Variants in PARM1 observed in about 807,000 individuals in gnomAD.
PARM1 encodes the protein WSC4, cell wall integrity and stress response component 4 homolog.
In PARM1, 14 loss-of-function variants were observed where a neutral mutation model predicts 24.6. The observed-to-expected ratio is 0.57, with a 90% CI of 0.38 to 0.89. The LOEUF (loss-of-function observed/expected upper bound fraction) is 0.89, where lower values mean the gene tolerates loss of function less well. Ranked by LOEUF, PARM1 falls within the 40% of genes least tolerant of loss-of-function variation. The pLI is 0.00. For synonymous variants in PARM1, 179 were observed against 156.6 expected, an observed-to-expected ratio of 1.14 and a Z score of -1.07; for missense variants, 362 against 380.4, an observed-to-expected ratio of 0.95 and a Z score of 0.40.
chr4:74,934,195 T>G (rs1344655822), intron 1 of PARM1, among the ~76,000 whole-genome samples: 1 of 152,016 alleles, frequency 6.6e-6, no homozygotes, highest in African/African-American at 2.4e-5. Flanking sequence ...GGGGAGAGAT[T>G]CAGAAAGACG....
chr4:74,941,989 A>G (rs1721319104), intron 1 of PARM1, among the ~76,000 whole-genome samples: 1 of 152,240 alleles, frequency 6.6e-6, no homozygotes, highest in African/African-American at 2.4e-5. Context: ...GAGGCTTTAG[A>G]GTAAGATAGA....
At position 75,023,248 on chromosome 4, in the gene PARM1, G is replaced by A. The variant is rs557855699; in HGVS notation, c.769+10098G>A. On this transcript the variant is annotated intron_variant, in intron 2 of 3. Coordinates refer to ENST00000307428, the MANE Select transcript of PARM1 (RefSeq NM_015393.4). ...AGACTGCCTGGTTCAAATCTCACCA[G>A]TGCTATTTGCTAAATGGGAGAATTG... Among the ~76,000 whole-genome samples, 4 of 152,320 alleles carry A rather than the reference G, an allele frequency of 2.6e-5. No homozygotes were observed. In the South Asian group the frequency reaches 8.3e-4, roughly 32 times the overall value.
rs561208129 is a variant in PARM1 at position 75,049,660 on chromosome 4, G to A, written c.*3413G>A. ...GATGGATACCTGAGCACTAACAGCA[G>A]TAGACGTAGACCTCTGTCCTTTACC... On this transcript the variant is annotated 3_prime_UTR_variant, in exon 4 of 4. Transcript: ENST00000307428. 1 of 152,776 alleles carries A rather than the reference G, an allele frequency of 6.5e-6. No homozygotes were observed. The highest frequency in any genetic ancestry group is 2.1e-4 in the South Asian group (1 of 4,832). 9.5% of individuals were successfully genotyped at this position (152,776 alleles called of 1,614,324 possible). A position where few individuals can be genotyped will look rare whatever the true frequency, so the allele number is the denominator to read the frequency against.
At chr4:75,027,563 C>T (rs1448457887) in intron 2 of PARM1, among the ~76,000 whole-genome samples, 1 of 152,184 alleles carries the variant, frequency 6.6e-6, no homozygotes, top group African/African-American at 2.4e-5. Context: ...CCCACTCCCA[C>T]TACCACCCCA....
chr4:75,044,218 G>T (rs1344001853), intron 3 of PARM1, among the ~76,000 whole-genome samples: 1 of 152,102 alleles, frequency 6.6e-6, no homozygotes, highest in Non-Finnish European at 1.5e-5. Flanking sequence ...AAAAATTAGT[G>T]GGAGTGGTCA....
At chr4:74,978,029 C>A (rs1001524762) in intron 1 of PARM1, among the ~76,000 whole-genome samples, 1 of 152,172 alleles carries the variant, frequency 6.6e-6, no homozygotes, top group Non-Finnish European at 1.5e-5. Context: ...GGTATGCAGA[C>A]CAATGACAAT....
intron 1 of PARM1, among the ~76,000 whole-genome samples, chr4:75,006,531 C>T (rs531950268): frequency 6.6e-6 from 1 of 152,096 alleles, no homozygotes; most frequent in Non-Finnish European, 1.5e-5. Flanking sequence ...TTTTCTTAAT[C>T]CAGTCTATCA....
chr4:74,994,189 A>G (rs1722530333), intron 1 of PARM1: 2 of 152,184 alleles, frequency 1.3e-5, no homozygotes. Flanking sequence ...TTGCAAGGGT[A>G]ATTTTTTCCT....
At chr4:74,968,547 G>A (rs756703642) in intron 1 of PARM1, among the ~76,000 whole-genome samples, 6 of 152,200 alleles carry the variant, frequency 3.9e-5, no homozygotes, top group Non-Finnish European at 7.3e-5. Flanking sequence ...AGAAGAAAGA[G>A]GAAGGGAAAA....
At chr4:74,998,084 C>T (rs1228824479) in intron 1 of PARM1, among the ~76,000 whole-genome samples, 1 of 152,128 alleles carries the variant, frequency 6.6e-6, no homozygotes, top group African/African-American at 2.4e-5. Flanking sequence ...CACAGATTTT[C>T]ATCAGAATAT....
chr4:75,029,063 T>C (rs1723230954), intron 2 of PARM1, among the ~76,000 whole-genome samples: 1 of 152,084 alleles, frequency 6.6e-6, no homozygotes, highest in Non-Finnish European at 1.5e-5. Flanking sequence ...CTTCTGAGTG[T>C]GTGATCAAGA....
chr4:74,936,461 G>GTTTTGT lies in PARM1; in HGVS notation c.43+3095_43+3096insGTTTTT, dbSNP rs1553967315. 3.6e-3 allele frequency among the ~76,000 whole-genome samples: 411 copies of GTTTTGT among 114,424 alleles called. 2 individuals carry two copies. Among genetic ancestry groups the GTTTTGT allele is most frequent in the African/African-American group, 9.6e-3 (328 of 34,266 alleles). 75.1% of individuals were successfully genotyped at this position (114,424 alleles called of 152,430 possible). A position where few individuals can be genotyped will look rare whatever the true frequency, so the allele number is the denominator to read the frequency against. ...GTGTTTTTTTTTTGTTTGTTTTTTT[G>GTTTTGT]TTTTTTTTTTGAGATGGAGTCTCTC... is the stretch of plus-strand genomic sequence containing the variant. On this transcript the variant is annotated intron_variant, in intron 1 of 3. Coordinates refer to ENST00000307428, the MANE Select transcript of PARM1 (RefSeq NM_015393.4).
At chr4:74,964,782 TA>T (rs1294295529) in intron 1 of PARM1, among the ~76,000 whole-genome samples, 1 of 152,096 alleles carries the variant, frequency 6.6e-6, no homozygotes, top group Non-Finnish European at 1.5e-5. Context: ...CATAAGTAAA[TA>T]AAAGAAAAAC....
chr4:74,998,731 C>T (rs1391444939), intron 1 of PARM1, among the ~76,000 whole-genome samples: 1 of 152,214 alleles, frequency 6.6e-6, no homozygotes, highest in Non-Finnish European at 1.5e-5. Flanking sequence ...GCATGTGTTA[C>T]ACTAATCTCC....
intron 1 of PARM1, among the ~76,000 whole-genome samples, chr4:74,961,139 G>A (rs1281079807): frequency 1.3e-5 from 2 of 152,142 alleles, no homozygotes; most frequent in Non-Finnish European, 2.9e-5. Flanking sequence ...TTCTGGAGCT[G>A]TGAAGTATAA....
intron 3 of PARM1, among the ~76,000 whole-genome samples, chr4:75,045,047 A>T (rs1186424185): frequency 6.6e-6 from 1 of 152,216 alleles, no homozygotes; most frequent in East Asian, 1.9e-4. Flanking sequence ...GTGGGGACAC[A>T]GCCAAACCAT....
intron 1 of PARM1, among the ~76,000 whole-genome samples, chr4:74,964,172 T>A (rs17249196): frequency 0.072 from 10,885 of 152,204 alleles, 465 homozygotes; most frequent in Non-Finnish European, 0.094. Context: ...GACAAGTCAA[T>A]TAGCATTATA....
intron 2 of PARM1, among the ~76,000 whole-genome samples, chr4:75,017,917 G>A (rs1055226789): frequency 2.6e-5 from 4 of 152,244 alleles, no homozygotes; most frequent in African/African-American, 9.6e-5. Flanking sequence ...GCGGTTATTA[G>A]AAGGTTCAGG....
intron 3 of PARM1, among the ~76,000 whole-genome samples, chr4:75,035,557 A>G (rs985271105): frequency 3.9e-5 from 6 of 152,072 alleles, no homozygotes; most frequent in Non-Finnish European, 8.8e-5. Flanking sequence ...CTCAGAGCAC[A>G]TATCCACTCT....
Sources: gnomAD v4.1 joint callset for allele counts (sites outside exome capture counted in the v4.1 genomes callset) on GRCh38, gnomAD v4.1.1 for gene constraint, MANE v1.5 for transcripts, NCBI Gene and HGNC (gene_info 2026-07-23, HGNC 2026-07-21) for gene names.